The following GLRB variants were observed in gnomAD, a reference collection of about 807,000 sequenced individuals.
GLRB encodes the protein glycine receptor subunit beta.
GLRB carries 33 observed loss-of-function variants against 54.2 expected under a neutral mutation model. That is an observed-to-expected ratio of 0.61 (90% confidence interval 0.46 to 0.81). The LOEUF (loss-of-function observed/expected upper bound fraction) is 0.81. Ranked by LOEUF, GLRB falls within the 40% of genes least tolerant of loss-of-function variation. The probability of loss-of-function intolerance (pLI) is 0.00; values close to 1 mark genes in which losing one functional copy is unlikely to be tolerated. For synonymous variants in GLRB, 209 were observed against 208.2 expected (o/e 1.00, Z -0.03); for missense variants, 572 against 584.6 (o/e 0.98, Z 0.22).
chr4:157,145,025 C>T (rs1736757220), intron 8 of GLRB, among the ~76,000 whole-genome samples: 1 of 152,082 alleles, frequency 6.6e-6, no homozygotes, highest in Non-Finnish European at 1.5e-5. Flanking sequence ...ACCAAAAAAA[C>T]CTGAATTTAA....
intron 2 of GLRB, among the ~76,000 whole-genome samples, chr4:157,101,068 T>C (rs920290653): frequency 5.9e-5 from 9 of 152,256 alleles, no homozygotes; most frequent in Non-Finnish European, 1.2e-4. Flanking sequence ...GTTCTAAGTA[T>C]GAATTCTACA....
chr4:157,110,817 C>T (rs1735391171), intron 2 of GLRB, among the ~76,000 whole-genome samples: 1 of 151,956 alleles, frequency 6.6e-6, no homozygotes, highest in Admixed American at 6.6e-5. Flanking sequence ...TCTCTCAAAC[C>T]TTCTTGGTAG....
chr4:157,163,093 C>G (rs1428170671), intron 9 of GLRB, among the ~76,000 whole-genome samples: 3 of 152,294 alleles, frequency 2.0e-5, no homozygotes, highest in African/African-American at 7.2e-5. Context: ...GACTGCTGTG[C>G]TAGCAGTGAG....
At chr4:157,087,554 G>A (rs903926897) in intron 2 of GLRB, among the ~76,000 whole-genome samples, 2 of 151,974 alleles carry the variant, frequency 1.3e-5, no homozygotes, top group Non-Finnish European at 2.9e-5. Flanking sequence ...GGTGCTTTTT[G>A]TTCCCCAATT....
At chr4:157,155,326 T>A (rs1314491937) in intron 9 of GLRB, among the ~76,000 whole-genome samples, 1 of 152,120 alleles carries the variant, frequency 6.6e-6, no homozygotes, top group Non-Finnish European at 1.5e-5. Context: ...AGACAGGGTT[T>A]CCTCATGTTG....
chr4:157,159,184 A>G (rs528956994), intron 9 of GLRB, among the ~76,000 whole-genome samples: 35 of 152,248 alleles, frequency 2.3e-4, no homozygotes, highest in African/African-American at 7.7e-4. Context: ...TAGATTTTGT[A>G]TCCTGAGACT....
chr4:157,145,028 G>A (rs957279376), intron 8 of GLRB, among the ~76,000 whole-genome samples: 24 of 152,078 alleles, frequency 1.6e-4, no homozygotes, highest in African/African-American at 5.3e-4. Context: ...AAAAAAACCT[G>A]AATTTAAATT....
intron 2 of GLRB, among the ~76,000 whole-genome samples, chr4:157,082,775 T>C (rs954968043): frequency 6.6e-6 from 1 of 152,080 alleles, no homozygotes; most frequent in African/African-American, 2.4e-5. Context: ...GTAGTGAATA[T>C]GTGAGACAGA....
At position 157,120,674 on chromosome 4, in the gene GLRB, C is replaced by T. The variant is rs767998783; in HGVS notation, c.229+12C>T. ...ACCAAACTTCAAAGGTTTGTCTCCC[C>T]CATATAAATGTTCATTTTTATTGTT... On this transcript the variant is annotated intron_variant, in intron 3 of 9. Coordinates refer to ENST00000264428, the MANE Select transcript of GLRB (RefSeq NM_000824.5). 1.6e-6 allele frequency: 2 copies of T among 1,220,314 alleles called. No individual in the cohort carries two copies. The highest frequency in any genetic ancestry group is 2.4e-6 in the Non-Finnish European group (2 of 825,316). The allele number at this position is 1,220,314 out of a possible 1,614,324, so 75.6% of individuals were successfully genotyped here. A position where few individuals can be genotyped will look rare whatever the true frequency, so the allele number is the denominator to read the frequency against.
At chr4:157,161,267 G>T (rs371909783) in intron 9 of GLRB, among the ~76,000 whole-genome samples, 2 of 152,154 alleles carry the variant, frequency 1.3e-5, no homozygotes, top group Non-Finnish European at 2.9e-5. Flanking sequence ...ACACTGATGG[G>T]TCTTGACTCT....
chr4:157,166,618 G>A (rs571427276), intron 9 of GLRB, among the ~76,000 whole-genome samples: 2 of 151,930 alleles, frequency 1.3e-5, no homozygotes, highest in Non-Finnish European at 2.9e-5. Flanking sequence ...CTGTAATAGA[G>A]GTTCCGTCCA....
At chr4:157,159,553 A>G (rs987646099) in intron 9 of GLRB, among the ~76,000 whole-genome samples, 28 of 152,246 alleles carry the variant, frequency 1.8e-4, no homozygotes, top group African/African-American at 6.7e-4. Flanking sequence ...GGGCTGTTGA[A>G]TTTTGTGGAA....
At chr4:157,087,066 A>G (rs1734437645) in intron 2 of GLRB, among the ~76,000 whole-genome samples, 1 of 152,126 alleles carries the variant, frequency 6.6e-6, no homozygotes, top group African/African-American at 2.4e-5. Context: ...ATATACTTTT[A>G]TATCCTGCCC....
intron 4 of GLRB, 92 bp downstream of exon 4, chr4:157,122,489 A>G: frequency 1.8e-6 from 1 of 541,820 alleles, no homozygotes; most frequent in Non-Finnish European, 3.4e-6. Context: ...GGAGCAACTC[A>G]AATAATCCAT....
chr4:157,113,314 A>T (rs1423821687), intron 2 of GLRB, among the ~76,000 whole-genome samples: 1 of 151,942 alleles, frequency 6.6e-6, no homozygotes, highest in African/African-American at 2.4e-5. Context: ...TCTGTAGAGT[A>T]TGGAAAGTAA....
intron 8 of GLRB, among the ~76,000 whole-genome samples, chr4:157,152,197 C>T (rs1737045616): frequency 6.6e-6 from 1 of 152,060 alleles, no homozygotes; most frequent in South Asian, 2.1e-4. Flanking sequence ...ATATGTTCTC[C>T]CTAAACAGGA....
chr4:157,110,806 G>A (rs1735390940), intron 2 of GLRB, among the ~76,000 whole-genome samples: 1 of 151,976 alleles, frequency 6.6e-6, no homozygotes, highest in South Asian at 2.1e-4. Context: ...GTTTCTGTGT[G>A]TCTCTCAAAC....
At chr4:157,113,339 T>C (rs2126512344) in intron 2 of GLRB, among the ~76,000 whole-genome samples, 1 of 152,032 alleles carries the variant, frequency 6.6e-6, no homozygotes, top group Middle Eastern at 3.4e-3. Context: ...ACAGTAAACA[T>C]TGTGTTTGGA....
chr4:157,138,742 T>A (rs1313055333), intron 6 of GLRB, 67 bp from the exon 7 acceptor site: 1 of 814,638 alleles, frequency 1.2e-6, no homozygotes, highest in African/African-American at 1.7e-5. Context: ...AGATTTGAAT[T>A]ATGAAAATAT....
Sources: gnomAD v4.1 joint callset for allele counts (sites outside exome capture counted in the v4.1 genomes callset) on GRCh38, gnomAD v4.1.1 for gene constraint, MANE v1.5 for transcripts, NCBI Gene and HGNC (gene_info 2026-07-23, HGNC 2026-07-21) for gene names.